The following WRAP53 variants were observed in gnomAD, a reference collection of about 807,000 sequenced individuals.
WRAP53 encodes the protein telomerase Cajal body protein 1.
WRAP53 carries 28 observed loss-of-function variants against 56.6 expected under a neutral mutation model. That is an observed-to-expected ratio of 0.50 (90% CI 0.37 to 0.68). The LOEUF (loss-of-function observed/expected upper bound fraction) is 0.68. WRAP53 is among the 30% of genes least tolerant of loss of function. The pLI, the probability that WRAP53 is intolerant of heterozygous loss-of-function variation, is 0.00. For missense variants in WRAP53, 671 were observed against 715.5 expected, an observed-to-expected ratio of 0.94 and a Z score of 0.71; for synonymous variants, 283 against 283.4, an observed-to-expected ratio of 1.00 and a Z score of 0.01.
chr17:7,694,014 G>T (rs1325872476), intron 4 of WRAP53, among the ~76,000 whole-genome samples: 1 of 152,108 alleles, frequency 6.6e-6, no homozygotes, highest in Admixed American at 6.5e-5. Context: ...CAGGCCTGGT[G>T]GCTCACGCCT....
intron 4 of WRAP53, among the ~76,000 whole-genome samples, chr17:7,699,490 A>G (rs1212132728): frequency 7.6e-5 from 1 of 13,090 alleles, no homozygotes; most frequent in African/African-American, 3.9e-4. Context: ...ATATATATAT[A>G]TATATATATA....
chr17:7,697,063 G>A (rs1567575765), intron 4 of WRAP53, among the ~76,000 whole-genome samples: 1 of 152,182 alleles, frequency 6.6e-6, no homozygotes, highest in African/African-American at 2.4e-5. Context: ...GCTCATGCCT[G>A]TAATCCCAGC....
Position 7,702,956 on chromosome 17 carries a change from G to A in WRAP53, c.1269-37G>A. ...TGTGAGGGGTTCCTGCCCCAGGGGT[G>A]AGGCCTCTGCCAGCAAATCTCTCCT... is the stretch of plus-strand genomic sequence containing the variant. On this transcript the variant is annotated intron_variant, in intron 9 of 10. Coordinates refer to ENST00000396463, the MANE Select transcript of WRAP53 (RefSeq NM_001143992.2). The surrounding 1 kb of genome is among the most constrained non-coding windows in gnomAD (Gnocchi z 5.0). 1 of 1,613,184 alleles carries A rather than the reference G, an allele frequency of 6.2e-7. No individual in the cohort carries two copies. The highest frequency in any genetic ancestry group is 8.5e-7 in the Non-Finnish European group (1 of 1,180,020).
chr17:7,698,040 A>AT (rs1242764960), intron 4 of WRAP53, among the ~76,000 whole-genome samples: 3 of 152,090 alleles, frequency 2.0e-5, no homozygotes, highest in Admixed American at 6.6e-5. Flanking sequence ...TAATTTTTTA[A>AT]TTTTTTGTAA....
At chr17:7,690,191 C>T (rs6503050) in intron 4 of WRAP53, among the ~76,000 whole-genome samples, 11,773 of 152,256 alleles carry the variant, frequency 0.077, 1,007 homozygotes, top group African/African-American at 0.22. Context: ...TCAGAGGATC[C>T]GCCCACCTTG....
chr17:7,696,917 TTC>T (rs2074193625), intron 4 of WRAP53, among the ~76,000 whole-genome samples: 1 of 152,092 alleles, frequency 6.6e-6, no homozygotes, highest in African/African-American at 2.4e-5. Flanking sequence ...GATATATGGG[TTC>T]AGAGTATAGA....
intron 4 of WRAP53, among the ~76,000 whole-genome samples, chr17:7,692,688 C>T (rs1381036667): frequency 6.7e-6 from 1 of 150,082 alleles, no homozygotes; most frequent in Non-Finnish European, 1.5e-5. Flanking sequence ...GGTTCTGCCT[C>T]CATCGCTTCC....
At chr17:7,696,901 C>A in intron 4 of WRAP53, among the ~76,000 whole-genome samples, 1 of 152,154 alleles carries the variant, frequency 6.6e-6, no homozygotes, top group East Asian at 1.9e-4. Flanking sequence ...GTCCACCAGG[C>A]AGTTGGATAT....
intron 3 of WRAP53, 124 bp downstream of exon 3, chr17:7,689,446 G>C (rs951141640): frequency 2.4e-6 from 3 of 1,271,826 alleles, no homozygotes; most frequent in African/African-American, 2.9e-5. Context: ...TTTAGACTGA[G>C]CTTACATTTT....
chr17:7,687,540 C>A, upstream of WRAP53: 1 of 398,662 alleles, frequency 2.5e-6, no homozygotes. Flanking sequence ...GGGGAAAACC[C>A]CAATCCCATC....
chr17:7,688,519 C>T lies in WRAP53; in HGVS notation c.-44C>T, dbSNP rs918768607. ...TGGCGTCCGCTGTTCGCCTCTCCTC[C>T]CGGGAGTCTTCTGCCTACTCCCAGA... is the stretch of plus-strand genomic sequence containing the variant. On this transcript the variant is annotated 5_prime_UTR_variant, in exon 1 of 11. Coordinates refer to ENST00000396463, the MANE Select transcript of WRAP53 (RefSeq NM_001143992.2). The T allele has an allele frequency of 2.0e-6, 2 of 993,368 alleles. No homozygotes were observed. Among genetic ancestry groups the T allele is most frequent in the East Asian group, 5.2e-5 (2 of 38,332 alleles). The allele number at this position is 993,368 out of a possible 1,614,324, so 61.5% of individuals were successfully genotyped here.
upstream of WRAP53, chr17:7,686,628 G>C (rs1489363404): frequency 4.6e-5 from 7 of 152,292 alleles, no homozygotes; most frequent in Admixed American, 4.6e-4. Flanking sequence ...CTCATCGGGT[G>C]AATAGTGAGC....
chr17:7,689,994 G>A (rs1230441593), intron 4 of WRAP53, among the ~76,000 whole-genome samples: 3 of 152,184 alleles, frequency 2.0e-5, no homozygotes, highest in Non-Finnish European at 4.4e-5. Context: ...TGTCACCCAG[G>A]CTGGAGTGCT....
chr17:7,690,052 G>A lies in WRAP53; in HGVS notation c.642+351G>A, dbSNP rs993540077. On this transcript the variant is annotated intron_variant, in intron 4 of 10. Transcript: ENST00000396463. ...CAACCTCTGCCTCCCGGGTTCAAGC[G>A]ATTCTCCTGCCTCAGCCTCACAAGT... is the stretch of plus-strand genomic sequence containing the variant. Among the ~76,000 whole-genome samples, 5 of 152,122 alleles carry A rather than the reference G, an allele frequency of 3.3e-5. No individual in the cohort carries two copies. The South Asian group carries it at 1.0e-3, about 31-fold the overall frequency.
chr17:7,689,691 A>G lies in WRAP53; in HGVS notation c.632A>G (p.Tyr211Cys). The G allele has an allele frequency of 6.2e-7, 1 of 1,613,764 alleles. No individual in the cohort carries two copies. Among genetic ancestry groups the G allele is most frequent in the Non-Finnish European group, 8.5e-7 (1 of 1,179,640 alleles). Reference sequence around the variant, plus strand: ...TACCATGAGGGGGAGCAGGTGGAATATGCAGAAATGGTAAGGACTGGGGCT... The same window carrying G: ...TACCATGAGGGGGAGCAGGTGGAATGTGCAGAAATGGTAAGGACTGGGGCT... Reference protein sequence around the residue: ...ELYHEGEQVEYAEMVPVLRMV... With the variant: ...ELYHEGEQVECAEMVPVLRMV... Residue 211 changes from tyrosine to cysteine, a missense_variant, in exon 4 of 11, where the codon TAT (tyrosine) becomes TGT (cysteine). By Grantham distance (194) the Tyr-to-Cys change is radical (BLOSUM62 -2). Transcript: ENST00000396463.
At chr17:7,689,153 G>A in intron 2 of WRAP53, 71 bp from the exon 3 acceptor site, 1 of 1,613,600 alleles carries the variant, frequency 6.2e-7, no homozygotes, top group Non-Finnish European at 8.5e-7. Context: ...CTGGTCCTGA[G>A]ACCCACTTCT....
chr17:7,689,442 C>G lies in WRAP53; in HGVS notation c.530+120C>G, dbSNP rs570571157. On this transcript the variant is annotated intron_variant, in intron 3 of 10. Transcript: ENST00000396463. Reference sequence around the variant, plus strand: ...AGAAGCGGCACGTAGCCCTTTTAGACTGAGCTTACATTTTATCTAGCAGTT... The same window carrying G: ...AGAAGCGGCACGTAGCCCTTTTAGAGTGAGCTTACATTTTATCTAGCAGTT... The G allele has an allele frequency of 6.5e-4, 824 of 1,274,744 alleles. 11 individuals are homozygous for G. The South Asian group carries it at 9.2e-3, about 14-fold the overall frequency. 79.0% of individuals were successfully genotyped at this position (1,274,744 alleles called of 1,614,324 possible).
rs778192810 is a variant in WRAP53 at position 7,702,422 on chromosome 17, A to G, written c.1034A>G (p.Tyr345Cys). 6.8e-5 allele frequency: 110 copies of G among 1,613,876 alleles called. No homozygotes were observed. Among genetic ancestry groups the G allele is most frequent in the Non-Finnish European group, 8.8e-5 (104 of 1,180,000 alleles). ...PAQPLYACGSYGRSLGLYAWD... is the reference protein window; with the variant it reads ...PAQPLYACGSCGRSLGLYAWD... Reference sequence around the variant, plus strand: ...CAGCCCCTCTATGCCTGTGGCTCCTACGGCCGCTCCCTGGGTCTGTATGCC... The same window carrying G: ...CAGCCCCTCTATGCCTGTGGCTCCTGCGGCCGCTCCCTGGGTCTGTATGCC... The change falls in exon 8 of 11, where the codon TAC becomes TGC. Residue 345 changes from tyrosine to cysteine, a missense_variant. Tyr to Cys is a radical substitution (Grantham distance 194, BLOSUM62 -2). Transcript: ENST00000396463. This position sits in a 1 kb window ranked among gnomAD's most constrained non-coding sequence, Gnocchi z 5.0.
intron 4 of WRAP53, among the ~76,000 whole-genome samples, chr17:7,699,476 T>TTATATA (rs1299417199): frequency 0.023 from 263 of 11,308 alleles, 6 homozygotes; most frequent in Middle Eastern, 0.1. Flanking sequence ...ATATATATAT[T>TTATATA]TATATATATA....
Sources: gnomAD v4.1 joint callset for allele counts (sites outside exome capture counted in the v4.1 genomes callset) on GRCh38, gnomAD v4.1.1 for gene constraint, Gnocchi (gnomAD v3.1) non-coding constraint, MANE v1.5 for transcripts, NCBI Gene and HGNC (gene_info 2026-07-23, HGNC 2026-07-21) for gene names.